The following NLGN1 variants were observed in gnomAD, a reference collection of about 807,000 sequenced individuals.
NLGN1 encodes the protein neuroligin-1.
In NLGN1, 12 loss-of-function variants were observed where a neutral mutation model predicts 65.5. That is an observed-to-expected ratio of 0.18 (90% CI 0.12 to 0.30). The LOEUF is 0.30. Among genes scored for constraint, NLGN1 ranks in the 10% least tolerant of loss-of-function variants. The pLI, the probability that NLGN1 is intolerant of heterozygous loss-of-function variation, is 1.00. For synonymous variants in NLGN1, 350 were observed against 359.5 expected (o/e 0.97, Z 0.30); for missense variants, 750 against 1,007.1 (o/e 0.74, Z 3.46).
chr3:173,880,932 T>G (rs1171390937), intron 4 of NLGN1, among the ~76,000 whole-genome samples: 1 of 152,154 alleles, frequency 6.6e-6, no homozygotes, highest in African/African-American at 2.4e-5. Flanking sequence ...TCTAAATCTT[T>G]TATTGTCATT....
chr3:173,910,528 A>C (rs552473869), intron 4 of NLGN1: 1 of 152,052 alleles, frequency 6.6e-6, no homozygotes, highest in African/African-American at 2.4e-5. Context: ...CACAGGATAA[A>C]ATAGGAATAA....
At chr3:173,677,332 C>T (rs1283281737) in intron 3 of NLGN1, among the ~76,000 whole-genome samples, 1 of 152,022 alleles carries the variant, frequency 6.6e-6, no homozygotes, top group Non-Finnish European at 1.5e-5. Context: ...ATCTTTCAGA[C>T]ATCCAGGCTA....
At chr3:173,894,707 G>A (rs1176346533) in intron 4 of NLGN1, among the ~76,000 whole-genome samples, 1 of 142,096 alleles carries the variant, frequency 7.0e-6, no homozygotes, top group Non-Finnish European at 1.5e-5. Context: ...GCACATTATT[G>A]GTTCACTGCA....
intron 2 of NLGN1, among the ~76,000 whole-genome samples, chr3:173,583,843 A>G (rs2149371033): frequency 6.6e-6 from 1 of 152,274 alleles, no homozygotes; most frequent in East Asian, 1.9e-4. Context: ...TGAACACTAA[A>G]AGTCCCAAAT....
chr3:173,831,377 A>C (rs907544264), intron 4 of NLGN1, among the ~76,000 whole-genome samples: 1 of 152,208 alleles, frequency 6.6e-6, no homozygotes, highest in Non-Finnish European at 1.5e-5. Flanking sequence ...TGTGTTTCAA[A>C]GTGCAAGTTT....
chr3:173,713,526 A>T (rs556392204), intron 3 of NLGN1, among the ~76,000 whole-genome samples: 1 of 152,082 alleles, frequency 6.6e-6, no homozygotes, highest in Non-Finnish European at 1.5e-5. Context: ...GATAATTGCT[A>T]TTCTTTTGAA....
At chr3:174,278,491 G>A (rs1056874451) in intron 5 of NLGN1, among the ~76,000 whole-genome samples, 1 of 151,966 alleles carries the variant, frequency 6.6e-6, no homozygotes, top group Non-Finnish European at 1.5e-5. Flanking sequence ...CTGTTGGAGA[G>A]TTAAATAGGA....
At chr3:173,707,052 A>G (rs1768152752) in intron 3 of NLGN1, among the ~76,000 whole-genome samples, 1 of 152,214 alleles carries the variant, frequency 6.6e-6, no homozygotes. Flanking sequence ...CTCCTATAAC[A>G]TTTATCCTGC....
At chr3:173,574,900 A>G (rs1213397424) in intron 2 of NLGN1, among the ~76,000 whole-genome samples, 1 of 152,204 alleles carries the variant, frequency 6.6e-6, no homozygotes, top group Non-Finnish European at 1.5e-5. Context: ...TATTTAAAAA[A>G]CACAGACAGG....
At chr3:174,209,381 C>T (rs1451786039) in intron 4 of NLGN1, among the ~76,000 whole-genome samples, 1 of 152,098 alleles carries the variant, frequency 6.6e-6, no homozygotes, top group Admixed American at 6.5e-5. Flanking sequence ...TAGAGCATCA[C>T]GAGGTTTGTT....
chr3:173,869,743 C>T (rs1464293045), intron 4 of NLGN1, among the ~76,000 whole-genome samples: 1 of 152,102 alleles, frequency 6.6e-6, no homozygotes, highest in Admixed American at 6.5e-5. Context: ...AACTTCTACT[C>T]CCCAATATTT....
chr3:173,945,512 G>T (rs996937707), intron 4 of NLGN1, among the ~76,000 whole-genome samples: 1 of 152,038 alleles, frequency 6.6e-6, no homozygotes, highest in African/African-American at 2.4e-5. Flanking sequence ...GACAGTCTGT[G>T]TTGAGTTTTA....
chr3:173,673,818 G>A (rs983287520), intron 3 of NLGN1, among the ~76,000 whole-genome samples: 1 of 152,042 alleles, frequency 6.6e-6, no homozygotes, highest in Non-Finnish European at 1.5e-5. Context: ...CACAAACAAA[G>A]CAAGGAAGGA....
At chr3:174,005,016 A>G (rs1724077970) in intron 4 of NLGN1, among the ~76,000 whole-genome samples, 1 of 152,184 alleles carries the variant, frequency 6.6e-6, no homozygotes, top group East Asian at 1.9e-4. Flanking sequence ...GTCTGGGTCA[A>G]ATCCAGTAAT....
chr3:173,760,887 A>G (rs1345875675), intron 3 of NLGN1, among the ~76,000 whole-genome samples: 2 of 152,066 alleles, frequency 1.3e-5, no homozygotes, highest in Non-Finnish European at 2.9e-5. Flanking sequence ...CTAGCTCATT[A>G]ATATGTTAGT....
intron 4 of NLGN1, among the ~76,000 whole-genome samples, chr3:173,904,413 T>C (rs947879996): frequency 2.0e-5 from 3 of 152,148 alleles, no homozygotes; most frequent in African/African-American, 7.2e-5. Flanking sequence ...CTGGCTTCTC[T>C]CTTCTTAACT....
chr3:174,202,596 G>A (rs1463239511), intron 4 of NLGN1: 2 of 152,116 alleles, frequency 1.3e-5, no homozygotes, highest in Non-Finnish European at 2.9e-5. Flanking sequence ...GTTGTGCTGT[G>A]TGTATATTTT....
At chr3:173,841,430 G>A (rs1018715704) in intron 4 of NLGN1, among the ~76,000 whole-genome samples, 3 of 152,156 alleles carry the variant, frequency 2.0e-5, no homozygotes, top group Non-Finnish European at 4.4e-5. Context: ...AACAGGAGGA[G>A]GTTGTTAAGG....
chr3:174,267,683 T>C (rs1383944105), intron 4 of NLGN1, among the ~76,000 whole-genome samples: 1 of 152,196 alleles, frequency 6.6e-6, no homozygotes, highest in African/African-American at 2.4e-5. Flanking sequence ...TCCCTCAAGA[T>C]TGGCTGCTGA....
Sources: gnomAD v4.1 joint callset for allele counts (sites outside exome capture counted in the v4.1 genomes callset) on GRCh38, gnomAD v4.1.1 for gene constraint, MANE v1.5 for transcripts, NCBI Gene and HGNC (gene_info 2026-07-23, HGNC 2026-07-21) for gene names.